TBCEL: variants seen among roughly 807,000 people sequenced by gnomAD.
The protein encoded by TBCEL is tubulin-specific chaperone cofactor E-like protein.
Under a neutral mutation model 44.2 loss-of-function variants are expected in TBCEL, and 15 were observed. The ratio of observed to expected loss-of-function variants is 0.34; its 90% CI spans 0.23 to 0.52. The LOEUF is 0.52. TBCEL is among the 20% of genes least tolerant of loss of function. TBCEL has a pLI of 0.95. For synonymous variants in TBCEL, 171 were observed against 185.4 expected, an observed-to-expected ratio of 0.92 and a Z score of 0.63; for missense variants, 319 against 506.3, an observed-to-expected ratio of 0.63 and a Z score of 3.55.
At chr11:121,058,732 T>TTG (rs1945666818) in intron 7 of TBCEL, among the ~76,000 whole-genome samples, 1 of 151,886 alleles carries the variant, frequency 6.6e-6, no homozygotes, top group Non-Finnish European at 1.5e-5. Flanking sequence ...TTTCAATACT[T>TTG]AGAATATTTG....
intron 8 of TBCEL, among the ~76,000 whole-genome samples, chr11:121,078,467 G>A (rs1946069692): frequency 6.6e-6 from 1 of 152,180 alleles, no homozygotes; most frequent in Admixed American, 6.5e-5. Flanking sequence ...TAATTACAGA[G>A]CTAGTGCATA....
chr11:121,080,488 A>G (rs956120858), intron 8 of TBCEL, among the ~76,000 whole-genome samples: 4 of 152,276 alleles, frequency 2.6e-5, no homozygotes, highest in African/African-American at 7.2e-5. Context: ...AAAGATTGTG[A>G]ATTTGGAGAT....
At chr11:121,031,334 ATTTTCTCCAACAC>A (rs1285825865) in intron 1 of TBCEL, among the ~76,000 whole-genome samples, 2 of 152,170 alleles carry the variant, frequency 1.3e-5, no homozygotes, top group Non-Finnish European at 2.9e-5. Context: ...GTTCTTCTGC[ATTTTCTCCAACAC>A]TTGGTATTGT....
At chr11:121,075,524 G>A (rs1362998121) in intron 8 of TBCEL, among the ~76,000 whole-genome samples, 3 of 151,940 alleles carry the variant, frequency 2.0e-5, no homozygotes, top group Non-Finnish European at 4.4e-5. Flanking sequence ...AGAAAACTTT[G>A]CTGGAGTTTT....
At chr11:121,044,063 G>T (rs886309770) in intron 2 of TBCEL, among the ~76,000 whole-genome samples, 9 of 152,000 alleles carry the variant, frequency 5.9e-5, no homozygotes, top group Non-Finnish European at 1.2e-4. Flanking sequence ...AGTCATTTTT[G>T]ACTTTACCTT....
intron 8 of TBCEL, among the ~76,000 whole-genome samples, chr11:121,085,470 A>T (rs1218371346): frequency 6.6e-6 from 1 of 152,210 alleles, no homozygotes; most frequent in Non-Finnish European, 1.5e-5. Flanking sequence ...TGACTGTCTT[A>T]TACAGTAGGA....
chr11:121,054,954 A>G (rs1591396896), intron 5 of TBCEL, 98 bp from the exon 6 acceptor site: 2 of 1,246,144 alleles, frequency 1.6e-6, no homozygotes, highest in East Asian at 2.6e-5. Context: ...AGTCTCACAT[A>G]TAGTAGGCAC....
chr11:121,052,951 C>T (rs899102757), intron 4 of TBCEL, among the ~76,000 whole-genome samples: 3 of 151,594 alleles, frequency 2.0e-5, no homozygotes, highest in South Asian at 2.1e-4. Flanking sequence ...CTAGCTAAAT[C>T]GTTGATAATC....
chr11:121,027,893 T>C (rs1945074628), intron 1 of TBCEL, among the ~76,000 whole-genome samples: 1 of 152,094 alleles, frequency 6.6e-6, no homozygotes, highest in African/African-American at 2.4e-5. Flanking sequence ...TAGATCAGAA[T>C]TGACTGAACG....
intron 6 of TBCEL, 53 bp from the exon 7 acceptor site, chr11:121,058,292 T>A: frequency 1.3e-6 from 2 of 1,589,814 alleles, no homozygotes; most frequent in Non-Finnish European, 1.7e-6. Context: ...TATGTTTCTC[T>A]TCTTATTTAT....
chr11:121,054,495 G>A (rs1245737305), intron 5 of TBCEL, among the ~76,000 whole-genome samples: 2 of 151,796 alleles, frequency 1.3e-5, no homozygotes, highest in Non-Finnish European at 2.9e-5. Flanking sequence ...TAACTTCTTT[G>A]AGCTCAGTTT....
At chr11:121,048,341 C>A (rs999674829) in intron 4 of TBCEL, among the ~76,000 whole-genome samples, 1 of 151,862 alleles carries the variant, frequency 6.6e-6, no homozygotes, top group East Asian at 1.9e-4. Flanking sequence ...GATGTCTTGA[C>A]CTCAGAGTAA....
intron 8 of TBCEL, among the ~76,000 whole-genome samples, chr11:121,078,766 C>G (rs374558252): frequency 3.3e-4 from 50 of 152,306 alleles, no homozygotes; most frequent in African/African-American, 1.2e-3. Context: ...CTCTAGATTT[C>G]TAGCCTGGAG....
At chr11:121,039,782 C>T (rs907124626) in intron 2 of TBCEL, among the ~76,000 whole-genome samples, 3 of 152,184 alleles carry the variant, frequency 2.0e-5, no homozygotes, top group Admixed American at 2.0e-4. Flanking sequence ...CCCAAGGAAC[C>T]TAAAGGTGAA....
chr11:121,054,998 A>G (rs1039031177), intron 5 of TBCEL, 54 bp from the exon 6 acceptor site: 4 of 1,395,148 alleles, frequency 2.9e-6, no homozygotes. Context: ...AAATAGGTGT[A>G]AAGTAGAAAT....
chr11:121,083,542 C>T (rs1234604716), intron 8 of TBCEL, among the ~76,000 whole-genome samples: 1 of 152,096 alleles, frequency 6.6e-6, no homozygotes, highest in African/African-American at 2.4e-5. Context: ...GATGTACTTG[C>T]CCATTTATGG....
intron 3 of TBCEL, 78 bp from the exon 4 acceptor site, chr11:121,047,450 G>A: frequency 6.5e-7 from 1 of 1,542,810 alleles, no homozygotes; most frequent in Non-Finnish European, 8.8e-7. Context: ...TTTGTTTCTT[G>A]ACACTTCCTG....
chr11:121,054,842 A>G (rs1257860094), intron 5 of TBCEL: 2 of 434,768 alleles, frequency 4.6e-6, no homozygotes, highest in East Asian at 7.1e-5. Flanking sequence ...ACTACCTTAT[A>G]TCATTCTTCG....
Position 121,053,639 on chromosome 11 carries a change from G to A in TBCEL, c.362G>A (p.Cys121Tyr). 1 of 1,612,458 alleles carries A rather than the reference G, an allele frequency of 6.2e-7. No individual in the cohort carries two copies. The highest frequency in any genetic ancestry group is 1.1e-5 in the South Asian group (1 of 91,044). Reference protein sequence around the residue: ...PLNLSVLERTCAGSFSGVRKL... With the variant: ...PLNLSVLERTYAGSFSGVRKL... ...AATTTGTCGGTTTTAGAAAGAACAT[G>A]TGCTGGGTCCTTCTCTGGGGTTCGC... The change falls in exon 5 of 9, where the codon TGT (cysteine) becomes TAT (tyrosine). Residue 121 changes from cysteine (C) to tyrosine (Y), a missense_variant. Transcript: ENST00000683345.
Sources: gnomAD v4.1 joint callset for allele counts (sites outside exome capture counted in the v4.1 genomes callset) on GRCh38, gnomAD v4.1.1 for gene constraint, MANE v1.5 for transcripts, NCBI Gene and HGNC (gene_info 2026-07-23, HGNC 2026-07-21) for gene names.